Variants in ZFYVE9 observed in about 807,000 individuals in gnomAD.
ZFYVE9 encodes the protein zinc finger FYVE domain-containing protein 9.
ZFYVE9 carries 43 observed loss-of-function variants against 126.7 expected under a neutral mutation model. That is an observed-to-expected ratio of 0.34 (90% CI 0.27 to 0.44). ZFYVE9 has a LOEUF of 0.44. Ranked by LOEUF, ZFYVE9 falls within the 20% of genes least tolerant of loss-of-function variation. The pLI, the probability that ZFYVE9 is intolerant of heterozygous loss-of-function variation, is 1.00. For synonymous variants in ZFYVE9, 521 were observed against 597.4 expected (o/e 0.87, Z 1.87); for missense variants, 1,476 against 1,697.0 (o/e 0.87, Z 2.29).
At chr1:52,183,983 C>T (rs12401694) in intron 1 of ZFYVE9, among the ~76,000 whole-genome samples, 10,060 of 151,092 alleles carry the variant, frequency 0.067, 380 homozygotes, top group African/African-American at 0.1. Context: ...CGTGAGCCAC[C>T]GCACCTGGCC....
At chr1:52,186,351 C>T (rs1644765741) in intron 1 of ZFYVE9, among the ~76,000 whole-genome samples, 1 of 152,060 alleles carries the variant, frequency 6.6e-6, no homozygotes, top group Non-Finnish European at 1.5e-5. Context: ...ATGACCAACC[C>T]ACAGCCAACC....
chr1:52,307,624 C>T (rs1018339054), intron 13 of ZFYVE9, among the ~76,000 whole-genome samples: 2 of 152,042 alleles, frequency 1.3e-5, no homozygotes, highest in Non-Finnish European at 2.9e-5. Flanking sequence ...CTGTTGCCTC[C>T]GTTTATGGTG....
chr1:52,274,411 G>A (rs1645724632), intron 7 of ZFYVE9, 53 bp from the exon 8 acceptor site: 1 of 1,500,230 alleles, frequency 6.7e-7, no homozygotes, highest in Non-Finnish European at 9.0e-7. Flanking sequence ...ATTATGTCCT[G>A]CCAAAGTCTT....
At chr1:52,331,526 G>A (rs1196749727) in intron 13 of ZFYVE9, among the ~76,000 whole-genome samples, 4 of 151,362 alleles carry the variant, frequency 2.6e-5, no homozygotes, top group Non-Finnish European at 4.4e-5. Flanking sequence ...GCTGAGGTGG[G>A]CGGATCACGA....
intron 1 of ZFYVE9, among the ~76,000 whole-genome samples, chr1:52,158,442 C>T (rs1215440781): frequency 6.6e-6 from 1 of 152,194 alleles, no homozygotes; most frequent in Non-Finnish European, 1.5e-5. Flanking sequence ...TGCTGCTGCG[C>T]AGCAGGGAGT....
chr1:52,185,296 AG>A (rs1411428887), intron 1 of ZFYVE9, among the ~76,000 whole-genome samples: 3 of 152,168 alleles, frequency 2.0e-5, no homozygotes, highest in African/African-American at 7.2e-5. Context: ...TCATTTAAGA[AG>A]AGAAAAAAAC....
At chr1:52,296,353 A>G (rs909108156) in intron 12 of ZFYVE9, among the ~76,000 whole-genome samples, 3 of 152,028 alleles carry the variant, frequency 2.0e-5, no homozygotes, top group African/African-American at 7.2e-5. Flanking sequence ...TAAGACTGGC[A>G]TTCTATGAGT....
chr1:52,239,077 G>A lies in ZFYVE9; in HGVS notation c.1660G>A (p.Val554Ile). 3 of 1,614,126 alleles carry A rather than the reference G, an allele frequency of 1.9e-6. No homozygotes were observed. The highest frequency in any genetic ancestry group is 2.5e-6 in the Non-Finnish European group (3 of 1,180,004). The change falls in exon 4 of 19, where the codon GTT (valine) becomes ATT (isoleucine). Residue 554 changes from valine to isoleucine, a missense_variant. Transcript: ENST00000287727. ...TTATTTACATAATTTCTGTAGTCAA[G>A]TTCCATCAGTGCTTGGGCAATCTTC... Reference protein sequence around the residue: ...KNYLHNFCSQVPSVLGQSSPK... With the variant: ...KNYLHNFCSQIPSVLGQSSPK...
In ZFYVE9 at chr1:52,161,372, C is replaced by T. The variant is rs904952044; in HGVS notation, c.-143+18969C>T. 2.9e-4 allele frequency among the ~76,000 whole-genome samples: 44 copies of T among 152,172 alleles called. 1 individual carries two copies. The highest frequency in any genetic ancestry group is 1.9e-4 in the Non-Finnish European group (13 of 68,036). ...TGGCGCAATCTCAGCTCACTGCAAC[C>T]TCCGCCTCCTGGGTTCAAGCGATTC... On this transcript the variant is annotated intron_variant, in intron 1 of 18. Transcript: ENST00000287727.
chr1:52,238,615 A>G lies in ZFYVE9; in HGVS notation c.1198A>G (p.Thr400Ala), dbSNP rs780820620. Reference sequence around the variant, plus strand: ...GCATTTCTCTGAATCTCAGGACATGACTAATTGGAAGTTGACTAAACTAAA... The same window carrying G: ...GCATTTCTCTGAATCTCAGGACATGGCTAATTGGAAGTTGACTAAACTAAA... ...TEHFSESQDM[T>A]NWKLTKLNEM... The change falls in exon 4 of 19, where the codon ACT (threonine) becomes GCT (alanine). Residue 400 changes from threonine (T) to alanine (A), a missense_variant. Physicochemically the swap from Thr to Ala is moderately conservative, Grantham distance 58. Around this residue, in one of 2 missense-constraint regions of ZFYVE9, gnomAD observed 807 missense variants for 794.6 expected, o/e 1.02. Coordinates refer to ENST00000287727, the MANE Select transcript of ZFYVE9 (RefSeq NM_004799.4). The G allele has an allele frequency of 2.0e-5, 32 of 1,614,084 alleles. No individual in the cohort carries two copies. In the East Asian group the frequency reaches 7.1e-4, roughly 36 times the overall value.
At chr1:52,271,980 C>T (rs894046854) in intron 7 of ZFYVE9, among the ~76,000 whole-genome samples, 1 of 152,092 alleles carries the variant, frequency 6.6e-6, no homozygotes, top group South Asian at 2.1e-4. Context: ...GCTGGGATTA[C>T]AGGCGCCCAC....
At chr1:52,183,638 G>T (rs1205683832) in intron 1 of ZFYVE9, among the ~76,000 whole-genome samples, 1 of 152,046 alleles carries the variant, frequency 6.6e-6, no homozygotes, top group African/African-American at 2.4e-5. Context: ...GAGTATCTGG[G>T]AGTACAGGTG....
At chr1:52,340,356 T>G in intron 17 of ZFYVE9, 125 bp downstream of exon 17, 1 of 687,598 alleles carries the variant, frequency 1.5e-6, no homozygotes, top group Non-Finnish European at 2.5e-6. Flanking sequence ...ATCTTTCTCG[T>G]TTATACTACA....
intron 1 of ZFYVE9, among the ~76,000 whole-genome samples, chr1:52,211,918 A>G (rs1645032404): frequency 6.6e-6 from 1 of 152,152 alleles, no homozygotes; most frequent in South Asian, 2.1e-4. Context: ...CTTGCATTTT[A>G]TATTTTAAGC....
intron 9 of ZFYVE9, among the ~76,000 whole-genome samples, chr1:52,279,714 C>G (rs1645783564): frequency 6.6e-6 from 1 of 152,120 alleles, no homozygotes; most frequent in South Asian, 2.1e-4. Flanking sequence ...AGTGATCTGC[C>G]TGCCTTGGTC....
chr1:52,327,217 A>C (rs934407952), intron 13 of ZFYVE9, among the ~76,000 whole-genome samples: 14 of 152,162 alleles, frequency 9.2e-5, no homozygotes, highest in African/African-American at 3.1e-4. Flanking sequence ...TCAAGGTTGA[A>C]TGTGAATGAT....
chr1:52,181,953 G>A (rs1644710678), intron 1 of ZFYVE9, among the ~76,000 whole-genome samples: 1 of 151,688 alleles, frequency 6.6e-6, no homozygotes, highest in Non-Finnish European at 1.5e-5. Flanking sequence ...GAGGGAGGTG[G>A]GGGTCAGCCA....
intron 5 of ZFYVE9, among the ~76,000 whole-genome samples, chr1:52,264,469 A>G (rs1025128857): frequency 6.6e-6 from 1 of 152,224 alleles, no homozygotes; most frequent in Non-Finnish European, 1.5e-5. Context: ...GGGAAAGTAA[A>G]TAAAACTTAC....
intron 1 of ZFYVE9, among the ~76,000 whole-genome samples, chr1:52,176,104 G>GT (rs1307525192): frequency 2.0e-5 from 3 of 152,174 alleles, no homozygotes; most frequent in African/African-American, 4.8e-5. Context: ...TTTCTGCTCT[G>GT]TTTTTTCCTC....
Sources: gnomAD v4.1 joint callset for allele counts (sites outside exome capture counted in the v4.1 genomes callset) on GRCh38, gnomAD v4.1.1 for gene constraint, gnomAD v4.1.1 regional missense constraint, MANE v1.5 for transcripts, NCBI Gene and HGNC (gene_info 2026-07-23, HGNC 2026-07-21) for gene names.